Variants in GABARAPL1 observed in about 807,000 individuals in gnomAD.
GABARAPL1 encodes the protein GABA type A receptor associated protein like 1, also known as gamma-aminobutyric acid receptor-associated protein-like 1.
GABARAPL1 carries 4 observed loss-of-function variants against 14.5 expected under a neutral mutation model. The ratio of observed to expected loss-of-function variants is 0.28; its 90% confidence interval spans 0.14 to 0.63. The LOEUF is 0.63. Ranked by LOEUF, GABARAPL1 falls within the 30% of genes least tolerant of loss-of-function variation. GABARAPL1 has a pLI of 0.84. For synonymous variants in GABARAPL1, 47 were observed against 50.6 expected (o/e 0.93, Z 0.30); for missense variants, 82 against 139.2 (o/e 0.59, Z 2.07).
chr12:10,213,431 T>G, intron 1 of GABARAPL1: 1 of 615,258 alleles, frequency 1.6e-6, no homozygotes, highest in Non-Finnish European at 3.0e-6. Flanking sequence ...CGAACCCCAC[T>G]TCAGGGCTGA....
chr12:10,213,433 C>T (rs997586921), intron 1 of GABARAPL1: 4 of 615,992 alleles, frequency 6.5e-6, no homozygotes, highest in African/African-American at 5.5e-5. Context: ...AACCCCACTT[C>T]AGGGCTGACG....
At position 10,221,846 on chromosome 12, in the gene GABARAPL1, G is replaced by A. The variant is rs1254803325; in HGVS notation, c.348G>A (p.Gly116=). The change falls in exon 4 of 4, where the codon GGG becomes GGA. Residue 116 remains glycine (G), a synonymous_variant. Coordinates refer to ENST00000266458, the MANE Select transcript of GABARAPL1 (RefSeq NM_031412.4). ...CCTACAGTGATGAGAGTGTCTATGG[G>A]AAATGAGTGGTTGGAAGCCCAGCAG... ...YVAYSDESVY[G]K is the part of the protein sequence containing the mutation. The A allele has an allele frequency of 1.2e-6, 2 of 1,613,994 alleles. No homozygotes were observed. Among genetic ancestry groups the A allele is most frequent in the Admixed American group, 1.7e-5 (1 of 60,010 alleles).
intron 2 of GABARAPL1, 108 bp downstream of exon 2, chr12:10,218,249 G>T (rs1036194546): frequency 1.3e-6 from 1 of 768,608 alleles, no homozygotes; most frequent in East Asian, 2.5e-5. Flanking sequence ...CTTGAAGGAA[G>T]TGAGTGGGAT....
intron 1 of GABARAPL1, among the ~76,000 whole-genome samples, chr12:10,217,594 G>A (rs755486613): frequency 2.0e-5 from 3 of 152,278 alleles, no homozygotes; most frequent in South Asian, 4.1e-4. Context: ...TTAGCCAGGC[G>A]TTGTGGCATG....
chr12:10,213,295 C>A, intron 1 of GABARAPL1, 76 bp downstream of exon 1: 1 of 884,546 alleles, frequency 1.1e-6, no homozygotes, highest in Non-Finnish European at 1.9e-6. Flanking sequence ...GATGGCTTCC[C>A]TGGGGCGCCC....
chr12:10,216,130 G>A (rs566502154), intron 1 of GABARAPL1, among the ~76,000 whole-genome samples: 103 of 152,022 alleles, frequency 6.8e-4, no homozygotes, highest in Non-Finnish European at 1.2e-3. Flanking sequence ...CAGTACTTCC[G>A]GAGGCTGAGG....
chr12:10,216,056 T>C (rs1374273025), intron 1 of GABARAPL1, among the ~76,000 whole-genome samples: 1 of 152,138 alleles, frequency 6.6e-6, no homozygotes, highest in African/African-American at 2.4e-5. Flanking sequence ...TACCATGACT[T>C]TGTTAAAGAC....
rs1216233338 is a variant in GABARAPL1 at position 10,222,546 on chromosome 12, A to G, written c.*694A>G. 1.3e-5 allele frequency: 2 copies of G among 152,534 alleles called. No individual in the cohort carries two copies. The highest frequency in any genetic ancestry group is 2.4e-5 in the African/African-American group (1 of 41,404). The allele number at this position is 152,534 out of a possible 1,614,324, so 9.4% of individuals were successfully genotyped here. ...TTGTTATTAAATAGCATTAAACTGG[A>G]ATTGACAAGAGTGTTGAGCATCCCT... On this transcript the variant is annotated 3_prime_UTR_variant, in exon 4 of 4. Coordinates refer to ENST00000266458, the MANE Select transcript of GABARAPL1 (RefSeq NM_031412.4).
At chr12:10,220,314 G>C (rs1241318273) in intron 2 of GABARAPL1, 126 bp from the exon 3 acceptor site, 1 of 1,337,922 alleles carries the variant, frequency 7.5e-7, no homozygotes, top group Non-Finnish European at 1.0e-6. Flanking sequence ...TTCTCAGATG[G>C]TATATAAAGC....
chr12:10,221,400 C>T, intron 3 of GABARAPL1: 1 of 967,294 alleles, frequency 1.0e-6, no homozygotes, highest in Non-Finnish European at 1.2e-6. Flanking sequence ...TCATTGTGCT[C>T]CGTTAATGAA....
intron 1 of GABARAPL1, chr12:10,213,442 C>G: frequency 1.7e-6 from 1 of 592,792 alleles, no homozygotes; most frequent in South Asian, 1.6e-5. Context: ...TCAGGGCTGA[C>G]GGCGTTTTGG....
At chr12:10,215,156 G>A (rs532801078) in intron 1 of GABARAPL1, among the ~76,000 whole-genome samples, 2 of 152,236 alleles carry the variant, frequency 1.3e-5, no homozygotes, top group African/African-American at 4.8e-5. Flanking sequence ...ACTCTTAATC[G>A]TGCTGTGCTA....
intron 1 of GABARAPL1, among the ~76,000 whole-genome samples, chr12:10,217,658 G>A (rs1029072945): frequency 9.2e-5 from 14 of 152,160 alleles, no homozygotes; most frequent in South Asian, 6.2e-4. Context: ...GCTTGAATCC[G>A]GGAGGTGGAG....
intron 2 of GABARAPL1, among the ~76,000 whole-genome samples, chr12:10,219,783 CAG>C (rs1342038148): frequency 6.6e-6 from 1 of 151,240 alleles, no homozygotes; most frequent in African/African-American, 2.4e-5. Flanking sequence ...GCCTGGGTGA[CAG>C]AGTAGAACTC....
chr12:10,216,099 G>A (rs145037815), intron 1 of GABARAPL1, among the ~76,000 whole-genome samples: 43 of 152,130 alleles, frequency 2.8e-4, no homozygotes, highest in East Asian at 1.9e-4. Flanking sequence ...AGCTGGGCAC[G>A]GTGGCTCACA....
Position 10,218,048 on chromosome 12 carries a change from C to G in GABARAPL1, c.91-15C>G. 6.5e-7 allele frequency: 1 copy of G among 1,532,510 alleles called. No individual in the cohort carries two copies. The highest frequency in any genetic ancestry group is 9.0e-7 in the Non-Finnish European group (1 of 1,105,790). The allele number at this position is 1,532,510 out of a possible 1,614,324, so 94.9% of individuals were successfully genotyped here. On this transcript the variant is annotated splice_polypyrimidine_tract_variant and intron_variant, in intron 1 of 3. Transcript: ENST00000266458. ...TTCTGTAGTTTTCATTCCTACTCTC[C>G]TCCTCTTCTTCCAGGTGATTGTAGA...
intron 1 of GABARAPL1, 94 bp downstream of exon 1, chr12:10,213,313 T>C: frequency 1.3e-6 from 1 of 775,294 alleles, no homozygotes; most frequent in South Asian, 1.5e-5. Flanking sequence ...CCCAGGCGGC[T>C]CTGGAGAAGG....
chr12:10,221,685 T>C, intron 3 of GABARAPL1, 102 bp from the exon 4 acceptor site: 11 of 1,328,822 alleles, frequency 8.3e-6, no homozygotes, highest in Non-Finnish European at 1.2e-5. Flanking sequence ...TGGGGACTAA[T>C]GATACCTTCC....
Position 10,221,878 on chromosome 12 carries a change from G to GC in GABARAPL1, c.*27dup. ...GTGGTTGGAAGCCCAGCAGATGGGA[G>GC]CACCTGGACTTGGGGGTAGGGGAGG... On this transcript the variant is annotated 3_prime_UTR_variant, in exon 4 of 4. Transcript: ENST00000266458. 1.2e-6 allele frequency: 2 copies of GC among 1,610,532 alleles called. No individual in the cohort carries two copies. Among genetic ancestry groups the GC allele is most frequent in the Non-Finnish European group, 1.7e-6 (2 of 1,176,892 alleles).
Sources: gnomAD v4.1 joint callset for allele counts (sites outside exome capture counted in the v4.1 genomes callset) on GRCh38, gnomAD v4.1.1 for gene constraint, MANE v1.5 for transcripts, NCBI Gene and HGNC (gene_info 2026-07-23, HGNC 2026-07-21) for gene names.